Variants in LAMA2 observed in about 807,000 individuals in gnomAD.
LAMA2 encodes the protein laminin subunit alpha 2.
A neutral mutation model predicts 364.8 loss-of-function variants in LAMA2; 269 were observed. The observed-to-expected ratio is 0.74, with a 90% CI of 0.67 to 0.82. The LOEUF (loss-of-function observed/expected upper bound fraction) is 0.82, where lower values mean the gene tolerates loss of function less well. Ranked by LOEUF, LAMA2 falls within the 40% of genes least tolerant of loss-of-function variation. The pLI, the probability that LAMA2 is intolerant of heterozygous loss-of-function variation, is 0.00. For missense variants in LAMA2, 3,807 were observed against 3,873.2 expected, an observed-to-expected ratio of 0.98 and a Z score of 0.45; for synonymous variants, 1,379 against 1,370.6, an observed-to-expected ratio of 1.01 and a Z score of -0.14.
chr6:129,182,499 T>G (rs1173311815), intron 10 of LAMA2, among the ~76,000 whole-genome samples: 1 of 151,732 alleles, frequency 6.6e-6, no homozygotes, highest in Non-Finnish European at 1.5e-5. Flanking sequence ...AAAAATAAAT[T>G]GTAGTGTTTC....
At chr6:129,446,494 G>A (rs1010744973) in intron 45 of LAMA2, among the ~76,000 whole-genome samples, 22 of 124,408 alleles carry the variant, frequency 1.8e-4, no homozygotes, top group Non-Finnish European at 3.2e-4. Context: ...GTCAAAGGAA[G>A]GAAGTAAGGG....
intron 12 of LAMA2, among the ~76,000 whole-genome samples, chr6:129,246,085 G>A (rs1785732376): frequency 1.3e-5 from 2 of 150,520 alleles, no homozygotes. Context: ...AAAATGGACA[G>A]AAAATAATAA....
At chr6:129,221,459 C>T (rs1043232074) in intron 12 of LAMA2, among the ~76,000 whole-genome samples, 1 of 148,358 alleles carries the variant, frequency 6.7e-6, no homozygotes, top group African/African-American at 2.5e-5. Context: ...GAAACATATA[C>T]AGCTAAAAAC....
chr6:128,951,537 T>A (rs1279621214), intron 1 of LAMA2, among the ~76,000 whole-genome samples: 3 of 152,176 alleles, frequency 2.0e-5, no homozygotes, highest in Non-Finnish European at 4.4e-5. Flanking sequence ...AATGACCGAC[T>A]TATCAAGCCA....
At chr6:129,386,347 A>T (rs1340443401) in intron 35 of LAMA2, among the ~76,000 whole-genome samples, 2 of 152,000 alleles carry the variant, frequency 1.3e-5, no homozygotes, top group Non-Finnish European at 2.9e-5. Context: ...CTGGAACTAT[A>T]TATATGTATA....
intron 53 of LAMA2, among the ~76,000 whole-genome samples, chr6:129,478,000 GCTGGT>G (rs1315597693): frequency 1.2e-5 from 1 of 86,866 alleles, no homozygotes. Context: ...GTTGCCTCAG[GCTGGT>G]CTTGTCTTGA....
intron 30 of LAMA2, among the ~76,000 whole-genome samples, chr6:129,346,162 G>C (rs1776538934): frequency 1.3e-5 from 2 of 152,060 alleles, no homozygotes; most frequent in Admixed American, 1.3e-4. Flanking sequence ...GAAGTTTCCA[G>C]TGCCTTCCCA....
chr6:129,109,326 A>G (rs973436811), intron 4 of LAMA2, among the ~76,000 whole-genome samples: 1 of 152,130 alleles, frequency 6.6e-6, no homozygotes, highest in African/African-American at 2.4e-5. Context: ...CTTCTCAAGC[A>G]TTGTACACGT....
At chr6:129,432,443 G>T (rs1057495337) in intron 41 of LAMA2, among the ~76,000 whole-genome samples, 1 of 152,298 alleles carries the variant, frequency 6.6e-6, no homozygotes, top group South Asian at 2.1e-4. Context: ...GAACACTCCT[G>T]TATATCATCT....
chr6:128,951,729 T>C (rs1001418589), intron 1 of LAMA2, among the ~76,000 whole-genome samples: 2 of 152,226 alleles, frequency 1.3e-5, no homozygotes, highest in Non-Finnish European at 2.9e-5. Context: ...AAACTGTTGA[T>C]ATAGTATGTA....
chr6:129,136,514 CAGAG>C (rs879554855), intron 4 of LAMA2, among the ~76,000 whole-genome samples: 1 of 144,522 alleles, frequency 6.9e-6, no homozygotes. Flanking sequence ...GAGAGAGAGA[CAGAG>C]AGAGAGAGAG....
At chr6:129,227,549 C>T (rs945159056) in intron 12 of LAMA2, among the ~76,000 whole-genome samples, 1 of 152,186 alleles carries the variant, frequency 6.6e-6, no homozygotes, top group African/African-American at 2.4e-5. Context: ...TTCTTACAGT[C>T]AGGACCCTCA....
rs556483811 is a variant in LAMA2 at position 129,212,689 on chromosome 6, G to A, written c.1782+19836G>A. On this transcript the variant is annotated intron_variant, in intron 12 of 64. Transcript: ENST00000421865. Reference sequence around the variant, plus strand: ...ATCAAGCCACTTGTTTTCAAACATCGATTTCGGGTTCATGCCATCAAATTA... The same window carrying A: ...ATCAAGCCACTTGTTTTCAAACATCAATTTCGGGTTCATGCCATCAAATTA... 1.9e-4 allele frequency among the ~76,000 whole-genome samples: 29 copies of A among 152,234 alleles called. No individual in the cohort carries two copies. In the South Asian group the frequency reaches 2.9e-3, roughly 15 times the overall value.
chr6:129,386,445 G>A (rs1779022775), intron 35 of LAMA2, among the ~76,000 whole-genome samples: 1 of 151,778 alleles, frequency 6.6e-6, no homozygotes, highest in South Asian at 2.1e-4. Context: ...TTTTGGTGGG[G>A]GAGATTTCTA....
intron 42 of LAMA2, among the ~76,000 whole-genome samples, chr6:129,439,176 T>C (rs1781982399): frequency 6.6e-6 from 1 of 152,022 alleles, no homozygotes; most frequent in South Asian, 2.1e-4. Context: ...AATCCCTAGA[T>C]CATTTATAAT....
intron 1 of LAMA2, among the ~76,000 whole-genome samples, chr6:128,974,423 A>G (rs556529397): frequency 1.3e-5 from 2 of 152,336 alleles, no homozygotes; most frequent in African/African-American, 4.8e-5. Flanking sequence ...GCAGCATGCC[A>G]GGAGATAGAC....
chr6:129,332,906 TTTTTGA>T (rs1775741319), intron 29 of LAMA2, among the ~76,000 whole-genome samples: 2 of 111,622 alleles, frequency 1.8e-5, no homozygotes, highest in African/African-American at 6.1e-5. Flanking sequence ...TTTTTTTTTT[TTTTTGA>T]GAGGGAGTCT....
At chr6:129,466,547 A>G (rs7450969) in intron 51 of LAMA2, among the ~76,000 whole-genome samples, 64,585 of 151,792 alleles carry the variant, frequency 0.43, 13,947 homozygotes, top group South Asian at 0.46. Context: ...GTGCTGCTGC[A>G]TACATTGTTC....
intron 35 of LAMA2, among the ~76,000 whole-genome samples, chr6:129,389,124 A>C (rs1289415542): frequency 1.3e-5 from 2 of 152,188 alleles, no homozygotes; most frequent in Non-Finnish European, 1.5e-5. Context: ...GTCAAGGTAT[A>C]ACTGTTAGGC....
Sources: allele counts gnomAD v4.1 joint callset (sites outside exome capture counted in the v4.1 genomes callset), GRCh38; gene constraint gnomAD v4.1.1; transcripts MANE v1.5; gene names NCBI Gene and HGNC (gene_info 2026-07-23, HGNC 2026-07-21).